NCOA2: variants seen among roughly 807,000 people sequenced by gnomAD.
NCOA2 encodes the protein class E basic helix-loop-helix protein 75.
NCOA2 carries 21 observed loss-of-function variants against 145.1 expected under a neutral mutation model. The ratio of observed to expected loss-of-function variants is 0.14; its 90% CI spans 0.10 to 0.21. NCOA2 has a LOEUF of 0.21. NCOA2 is among the 10% of genes least tolerant of loss of function. NCOA2 has a pLI of 1.00. For synonymous variants in NCOA2, 619 were observed against 637.5 expected (o/e 0.97, Z 0.44); for missense variants, 1,472 against 1,837.6 (o/e 0.80, Z 3.64).
chr8:70,189,842 A>G (rs1009782551), intron 4 of NCOA2, among the ~76,000 whole-genome samples: 19 of 152,236 alleles, frequency 1.2e-4, no homozygotes, highest in African/African-American at 3.9e-4. Context: ...TTGTGAATTC[A>G]TAAGTATTAA....
chr8:70,135,091 C>G (rs1405716705), intron 15 of NCOA2, among the ~76,000 whole-genome samples: 1 of 152,082 alleles, frequency 6.6e-6, no homozygotes, highest in East Asian at 1.9e-4. Context: ...AATGTTCATG[C>G]CTTCCCTGTG....
At chr8:70,240,578 G>A (rs1329237019) in intron 2 of NCOA2, among the ~76,000 whole-genome samples, 1 of 152,140 alleles carries the variant, frequency 6.6e-6, no homozygotes, top group Non-Finnish European at 1.5e-5. Flanking sequence ...CGCTATAGAG[G>A]GTTCCGAAGT....
Position 70,317,046 on chromosome 8 carries a change from A to G in NCOA2, c.-76-20246T>C, listed in dbSNP as rs947964527. On this transcript the variant is annotated intron_variant, in intron 1 of 22. Transcript: ENST00000452400. ...TTTGAACTCAGGGTTAGTTTGTGCT[A>G]TAAGAGAGCACATGAACTCTTGGGG... is the stretch of plus-strand genomic sequence containing the variant. 2.3e-4 allele frequency among the ~76,000 whole-genome samples: 35 copies of G among 152,176 alleles called. 1 individual carries two copies.
At position 70,319,274 on chromosome 8, in the gene NCOA2, G is replaced by C. The variant is rs560155009; in HGVS notation, c.-76-22474C>G. ...AGCTCTATTTAGGCCAGGCATGGTG[G>C]CTAACACCTGTAATCCCAATGCTTT... On this transcript the variant is annotated intron_variant, in intron 1 of 22. Transcript: ENST00000452400. Among the ~76,000 whole-genome samples, 20 of 152,276 alleles carry C rather than the reference G, an allele frequency of 1.3e-4. No homozygotes were observed. In the South Asian group the frequency reaches 3.9e-3, roughly 30 times the overall value.
intron 1 of NCOA2, among the ~76,000 whole-genome samples, chr8:70,308,862 G>A (rs1235859509): frequency 6.6e-6 from 1 of 152,192 alleles, no homozygotes; most frequent in South Asian, 2.1e-4. Flanking sequence ...CAGAAACTGT[G>A]AAAGATTAAA....
the NCOA2 span, among the ~76,000 whole-genome samples, chr8:70,439,085 C>A: frequency 6.6e-6 from 1 of 152,176 alleles, no homozygotes; most frequent in Non-Finnish European, 1.5e-5. Context: ...TGTATAGGTC[C>A]TATAATATCC....
intron 4 of NCOA2, among the ~76,000 whole-genome samples, chr8:70,210,000 A>G (rs1818848641): frequency 6.6e-6 from 1 of 152,346 alleles, no homozygotes; most frequent in East Asian, 1.9e-4. Context: ...GTTATAGAAG[A>G]GAGAAGTTCT....
intron 12 of NCOA2, among the ~76,000 whole-genome samples, chr8:70,145,227 G>A (rs1388731160): frequency 6.6e-6 from 1 of 152,082 alleles, no homozygotes; most frequent in Non-Finnish European, 1.5e-5. Context: ...GCACGATCTC[G>A]GCTCATTACA....
At chr8:70,341,059 T>C (rs898721017) in intron 1 of NCOA2, among the ~76,000 whole-genome samples, 4 of 142,222 alleles carry the variant, frequency 2.8e-5, no homozygotes, top group African/African-American at 5.8e-5. Flanking sequence ...ATCCTGCATG[T>C]GTACCCCTGA....
chr8:70,377,931 T>C (rs1010623833), intron 1 of NCOA2, among the ~76,000 whole-genome samples: 1 of 152,082 alleles, frequency 6.6e-6, no homozygotes, highest in African/African-American at 2.4e-5. Context: ...TTAACAATGA[T>C]AACTCTGACT....
intron 2 of NCOA2, among the ~76,000 whole-genome samples, chr8:70,296,158 C>T (rs1368827974): frequency 6.6e-6 from 1 of 152,080 alleles, no homozygotes; most frequent in Non-Finnish European, 1.5e-5. Flanking sequence ...ATGAAGCTAG[C>T]AGGGAAAGTT....
intron 4 of NCOA2, among the ~76,000 whole-genome samples, chr8:70,198,673 G>C (rs1279276698): frequency 6.6e-6 from 1 of 152,218 alleles, no homozygotes; most frequent in Middle Eastern, 3.2e-3. Flanking sequence ...GGAACTGACA[G>C]AGCTGACTAA....
chr8:70,218,284 C>G (rs1819835307), intron 2 of NCOA2, among the ~76,000 whole-genome samples: 1 of 148,186 alleles, frequency 6.7e-6, no homozygotes, highest in South Asian at 2.1e-4. Flanking sequence ...ACCACTGGTA[C>G]ACATTTGATT....
At chr8:70,114,062 T>C (rs2131156347) in intron 22 of NCOA2, among the ~76,000 whole-genome samples, 1 of 152,328 alleles carries the variant, frequency 6.6e-6, no homozygotes, top group South Asian at 2.1e-4. Context: ...CTTCCTCAAA[T>C]TCATCCAGTA....
At chr8:70,244,923 C>T (rs1197000701) in intron 2 of NCOA2, 1 of 152,110 alleles carries the variant, frequency 6.6e-6, no homozygotes, top group Non-Finnish European at 1.5e-5. Flanking sequence ...CTCCCTTCTA[C>T]AACGCACCGC....
At position 70,156,281 on chromosome 8, in the gene NCOA2, T is replaced by C. The variant is rs776314297; in HGVS notation, c.2084A>G (p.Gln695Arg). ...CAAGTCCACAGGGGAACTGCTGTCC[T>C]GCAAGAGTCTGTGCAAAATTTTATG... is the stretch of plus-strand genomic sequence containing the variant. Reference protein sequence around the residue: ...EKHKILHRLLQDSSSPVDLAK... With the variant: ...EKHKILHRLLRDSSSPVDLAK... Residue 695 changes from glutamine (Q) to arginine (R), a missense_variant, in exon 11 of 23, where the codon CAG becomes CGG. This residue lies in a region of NCOA2 where 953 missense variants were observed against 1,062.1 expected (regional missense o/e 0.90). Transcript: ENST00000452400. 2 of 1,613,998 alleles carry C rather than the reference T, an allele frequency of 1.2e-6. No homozygotes were observed. The highest frequency in any genetic ancestry group is 1.1e-5 in the South Asian group (1 of 91,086).
chr8:70,194,458 G>T (rs1241815219), intron 4 of NCOA2, among the ~76,000 whole-genome samples: 1 of 152,138 alleles, frequency 6.6e-6, no homozygotes, highest in Non-Finnish European at 1.5e-5. Context: ...CAAGGCCAGT[G>T]TTGTTTATCT....
At chr8:70,410,518 A>T in the NCOA2 span, among the ~76,000 whole-genome samples, 1 of 152,142 alleles carries the variant, frequency 6.6e-6, no homozygotes, top group African/African-American at 2.4e-5. Context: ...TATTTATTTT[A>T]GAGATGGAGT....
In NCOA2 at chr8:70,156,363, A is replaced by T; in HGVS notation, c.2002T>A (p.Ser668Thr). Reference sequence around the variant, plus strand: ...CCAGAACCAGGCAAGCTACCTGTGGAGTCTTTGTTTGTATCCGACAAAGAG... The same window carrying T: ...CCAGAACCAGGCAAGCTACCTGTGGTGTCTTTGTTTGTATCCGACAAAGAG... Reference protein sequence around the residue: ...ASSLSDTNKDSTGSLPGSGST... With the variant: ...ASSLSDTNKDTTGSLPGSGST... Residue 668 changes from serine to threonine, a missense_variant, in exon 11 of 23, where the codon TCC becomes ACC. Physicochemically the swap from Ser to Thr is moderately conservative, Grantham distance 58. Coordinates refer to ENST00000452400, the MANE Select transcript of NCOA2 (RefSeq NM_006540.4). 7 of 1,613,920 alleles carry T rather than the reference A, an allele frequency of 4.3e-6. No homozygotes were observed. The highest frequency in any genetic ancestry group is 5.9e-6 in the Non-Finnish European group (7 of 1,179,882).
Sources: allele counts gnomAD v4.1 joint callset (sites outside exome capture counted in the v4.1 genomes callset), GRCh38; gene constraint gnomAD v4.1.1; regional missense constraint gnomAD v4.1.1; transcripts MANE v1.5; gene names NCBI Gene and HGNC (gene_info 2026-07-23, HGNC 2026-07-21).